The following RHOBTB2 variants were observed in gnomAD, a reference collection of about 807,000 sequenced individuals.
RHOBTB2 encodes rho-related BTB domain-containing protein 2.
Under a neutral mutation model 66.5 loss-of-function variants are expected in RHOBTB2, and 39 were observed. The observed-to-expected ratio is 0.59, with a 90% CI of 0.45 to 0.77. The LOEUF (loss-of-function observed/expected upper bound fraction) is 0.77, where lower values mean the gene tolerates loss of function less well. RHOBTB2 is among the 30% of genes least tolerant of loss of function. The probability of loss-of-function intolerance (pLI) is 0.00; values close to 1 mark genes in which losing one functional copy is unlikely to be tolerated. For synonymous variants in RHOBTB2, 390 were observed against 395.0 expected, an observed-to-expected ratio of 0.99 and a Z score of 0.15; for missense variants, 755 against 999.1, an observed-to-expected ratio of 0.76 and a Z score of 3.29.
At chr8:22,983,355 A>G (rs964654147), upstream of RHOBTB2, among the ~76,000 whole-genome samples, 82 of 152,020 alleles carry the variant, frequency 5.4e-4, no homozygotes, top group African/African-American at 1.8e-3. Context: ...AAAAAACAAA[A>G]AAGAAGAAGA....
chr8:23,001,494 T>G (rs1042878636), intron 1 of RHOBTB2, among the ~76,000 whole-genome samples: 10 of 152,234 alleles, frequency 6.6e-5, no homozygotes, highest in Admixed American at 3.9e-4. Flanking sequence ...CAGGCCTGAT[T>G]AGACTAAGAG....
At chr8:22,965,887 TAAA>T in the RHOBTB2 span, among the ~76,000 whole-genome samples, 1 of 151,956 alleles carries the variant, frequency 6.6e-6, no homozygotes, top group East Asian at 1.9e-4. Flanking sequence ...GAATATGACA[TAAA>T]AAAGACAGAC....
upstream of RHOBTB2, among the ~76,000 whole-genome samples, chr8:22,996,871 G>A (rs1585183328): frequency 6.6e-6 from 1 of 152,092 alleles, no homozygotes; most frequent in Non-Finnish European, 1.5e-5. Context: ...ATCTGGCATT[G>A]GAGAGATGGG....
chr8:22,956,741 A>G, the RHOBTB2 span, among the ~76,000 whole-genome samples: 2 of 152,154 alleles, frequency 1.3e-5, no homozygotes, highest in Non-Finnish European at 2.9e-5. Context: ...GACTCACTGC[A>G]ACCTCCGCCT....
At chr8:22,986,650 A>G (rs1810294092), upstream of RHOBTB2, among the ~76,000 whole-genome samples, 1 of 152,132 alleles carries the variant, frequency 6.6e-6, no homozygotes, top group Non-Finnish European at 1.5e-5. Context: ...GAAAATGGAG[A>G]GAAAACAGAG....
chr8:22,973,923 G>C, the RHOBTB2 span, among the ~76,000 whole-genome samples: 1 of 151,790 alleles, frequency 6.6e-6, no homozygotes, highest in Admixed American at 6.6e-5. Flanking sequence ...CCCCTCCCAC[G>C]CCCCACCATT....
At chr8:22,987,555 A>C (rs1210047918) in exon 1 of RHOBTB2, 2 of 152,396 alleles carry the variant, frequency 1.3e-5, no homozygotes, top group African/African-American at 2.4e-5. Context: ...CCCAGAGGCG[A>C]GGTGGCAGGT....
upstream of RHOBTB2, chr8:22,996,001 C>A: frequency 1.1e-6 from 1 of 923,698 alleles, no homozygotes; most frequent in Non-Finnish European, 1.7e-6. Flanking sequence ...AAGGGGCCTT[C>A]ACAGCCACAG....
At chr8:22,979,697 T>A in the RHOBTB2 span, among the ~76,000 whole-genome samples, 1 of 150,474 alleles carries the variant, frequency 6.6e-6, no homozygotes, top group Non-Finnish European at 1.5e-5. Flanking sequence ...GGAATTCTTT[T>A]TTTTTCTTTT....
chr8:22,996,631 G>T (rs1810575629), upstream of RHOBTB2, among the ~76,000 whole-genome samples: 1 of 151,488 alleles, frequency 6.6e-6, no homozygotes, highest in African/African-American at 2.4e-5. Flanking sequence ...AGGAGCTTTT[G>T]TCTCCCACCC....
chr8:23,017,834 C>T lies in RHOBTB2; in HGVS notation c.*365C>T. The T allele has an allele frequency of 8.4e-6, 2 of 239,318 alleles. No individual in the cohort carries two copies. Among genetic ancestry groups the T allele is most frequent in the Admixed American group, 4.9e-5 (1 of 20,486 alleles). The allele number at this position is 239,318 out of a possible 1,614,324, so 14.8% of individuals were successfully genotyped here. On this transcript the variant is annotated 3_prime_UTR_variant, in exon 10 of 10. Transcript: ENST00000251822. This position sits in a 1 kb window ranked among gnomAD's most constrained non-coding sequence, Gnocchi z 5.3. ...GTTGCTGCTCTGGCCAGGGAGGCAG[C>T]CCCACTCCCAGCAAGCAGAAGTGAT...
the RHOBTB2 span, among the ~76,000 whole-genome samples, chr8:22,957,920 G>A: frequency 6.6e-6 from 1 of 152,146 alleles, no homozygotes; most frequent in African/African-American, 2.4e-5. Flanking sequence ...AGCCATGGAG[G>A]TTTGGGGAGT....
chr8:22,989,502 G>C (rs1047548511), intron 1 of RHOBTB2, among the ~76,000 whole-genome samples: 4 of 152,168 alleles, frequency 2.6e-5, no homozygotes, highest in Admixed American at 1.3e-4. Flanking sequence ...GGGTGCTTGT[G>C]GATGTGGCAG....
At chr8:22,976,068 C>T in the RHOBTB2 span, among the ~76,000 whole-genome samples, 38,595 of 151,976 alleles carry the variant, frequency 0.25, 5,503 homozygotes, top group East Asian at 0.52. Flanking sequence ...ATCACTTAAA[C>T]CCAGGAGGTG....
chr8:23,010,767 T>A (rs1811122362), intron 7 of RHOBTB2, 79 bp downstream of exon 7: 3 of 1,482,648 alleles, frequency 2.0e-6, no homozygotes, highest in Admixed American at 3.5e-5. Context: ...TCCTCTCACG[T>A]CTCTCCTGGG....
intron 3 of RHOBTB2, 149 bp downstream of exon 3, chr8:23,005,624 C>T: frequency 1.5e-6 from 1 of 657,962 alleles, no homozygotes; most frequent in East Asian, 2.7e-5. Context: ...GCTGGGGCAG[C>T]CTGGTGCAGT....
chr8:22,951,536 T>C, the RHOBTB2 span, among the ~76,000 whole-genome samples: 2 of 151,892 alleles, frequency 1.3e-5, no homozygotes, highest in African/African-American at 4.8e-5. Flanking sequence ...GGATAGGCGG[T>C]GGAGTTAGGA....
upstream of RHOBTB2, chr8:22,998,912 GTTTC>G: frequency 6.6e-6 from 1 of 152,260 alleles, no homozygotes; most frequent in South Asian, 2.1e-4. Context: ...ACTTCATGGT[GTTTC>G]TTTCAGAGAT....
chr8:23,010,783 A>G, intron 7 of RHOBTB2, 95 bp downstream of exon 7: 1 of 1,344,846 alleles, frequency 7.4e-7, no homozygotes, highest in South Asian at 1.3e-5. Context: ...CTGGGGGACA[A>G]GCTGATGTCC....
Sources: allele counts gnomAD v4.1 joint callset (sites outside exome capture counted in the v4.1 genomes callset), GRCh38; gene constraint gnomAD v4.1.1; non-coding constraint Gnocchi (gnomAD v3.1); transcripts MANE v1.5; gene names NCBI Gene and HGNC (gene_info 2026-07-23, HGNC 2026-07-21).